The following PNPLA1 variants were observed in gnomAD, a reference collection of about 807,000 sequenced individuals.
PNPLA1 encodes the protein patatin like domain 1, omega-hydroxyceramide transacylase.
PNPLA1 carries 36 observed loss-of-function variants against 51.7 expected under a neutral mutation model. The observed-to-expected ratio is 0.70, with a 90% CI of 0.53 to 0.92. PNPLA1 has a LOEUF of 0.92. Ranked by LOEUF, PNPLA1 falls within the 40% of genes least tolerant of loss-of-function variation. PNPLA1 has a pLI of 0.00. For missense variants in PNPLA1, 658 were observed against 682.5 expected (o/e 0.96, Z 0.40); for synonymous variants, 293 against 280.1 (o/e 1.05, Z -0.46).
At chr6:36,282,088 A>AGAAAGAAAGAAAGAAG (rs1554136580) in intron 1 of PNPLA1, among the ~76,000 whole-genome samples, 139 of 98,746 alleles carry the variant, frequency 1.4e-3, no homozygotes, top group East Asian at 3.9e-3. Context: ...AAAGAAAGAA[A>AGAAAGAAAGAAAGAAG]GAAGGAAGGA....
chr6:36,253,842 G>A (rs550487169), intron 1 of PNPLA1, among the ~76,000 whole-genome samples: 143 of 152,266 alleles, frequency 9.4e-4, no homozygotes, highest in Admixed American at 2.4e-3. Context: ...TGAGAATTTT[G>A]TTCAACATTT....
chr6:36,263,948 C>G (rs1769707126), intron 1 of PNPLA1, among the ~76,000 whole-genome samples: 1 of 152,192 alleles, frequency 6.6e-6, no homozygotes. Context: ...GCTTCCCTGC[C>G]CCTAAGCTGC....
intron 1 of PNPLA1, among the ~76,000 whole-genome samples, chr6:36,245,111 G>A (rs1380525126): frequency 1.3e-5 from 2 of 152,230 alleles, no homozygotes; most frequent in African/African-American, 4.8e-5. Flanking sequence ...AGGAGGCAAA[G>A]CTTTGTCTAA....
chr6:36,255,470 A>G (rs572541520), intron 1 of PNPLA1, among the ~76,000 whole-genome samples: 1 of 152,304 alleles, frequency 6.6e-6, no homozygotes, highest in East Asian at 1.9e-4. Context: ...ATGCCATTGC[A>G]CTCCAGCCTG....
At position 36,302,399 on chromosome 6, in the gene PNPLA1, G is replaced by A. The variant is rs752897930; in HGVS notation, c.1314G>A (p.Leu438=). 6.3e-7 allele frequency: 1 copy of A among 1,586,164 alleles called. No homozygotes were observed. Among genetic ancestry groups the A allele is most frequent in the Admixed American group, 1.7e-5 (1 of 57,748 alleles). The part of the protein sequence containing the change: ...GPSTVGAPQT[L]PRSSLSAFPA... ...CAACTGTGGGGGCACCTCAAACACT[G>A]CCCCGAAGTTCTCTTTCAGCCTTCC... Residue 438 remains leucine (L), a synonymous_variant, in exon 6 of 9, where the codon CTG becomes CTA. Coordinates refer to ENST00000636260, the MANE Select transcript of PNPLA1 (RefSeq NM_001374623.1).
intron 1 of PNPLA1, among the ~76,000 whole-genome samples, chr6:36,282,512 A>G (rs1003198160): frequency 2.0e-5 from 3 of 152,188 alleles, no homozygotes; most frequent in African/African-American, 7.2e-5. Flanking sequence ...GATCTGGTAA[A>G]GCTTTGAATG....
At position 36,306,276 on chromosome 6, in the gene PNPLA1, A is replaced by T; in HGVS notation, c.1385-16A>T. ...CCTCCCCATCTCACTCCCGTTTCCT[A>T]TATCTTTACTTTTAGCTGTAGCTCT... On this transcript the variant is annotated splice_polypyrimidine_tract_variant and intron_variant, in intron 6 of 8. Transcript: ENST00000636260. 6.2e-7 allele frequency: 1 copy of T among 1,600,652 alleles called. No individual in the cohort carries two copies. Among genetic ancestry groups the T allele is most frequent in the Non-Finnish European group, 8.5e-7 (1 of 1,172,796 alleles).
chr6:36,262,346 G>A (rs1185901366), intron 1 of PNPLA1, among the ~76,000 whole-genome samples: 2 of 152,148 alleles, frequency 1.3e-5, no homozygotes, highest in South Asian at 2.1e-4. Flanking sequence ...GCCAGACGGG[G>A]CTACGCAGCA....
At chr6:36,246,230 G>T (rs1769278865) in intron 1 of PNPLA1, among the ~76,000 whole-genome samples, 2 of 151,504 alleles carry the variant, frequency 1.3e-5, no homozygotes. Flanking sequence ...TTTTTGACGA[G>T]GTCTTACTCT....
intron 1 of PNPLA1, among the ~76,000 whole-genome samples, chr6:36,280,866 T>C (rs905570500): frequency 3.9e-5 from 6 of 152,226 alleles, no homozygotes; most frequent in African/African-American, 1.4e-4. Context: ...CATAGCTCAC[T>C]GTAACCTTGA....
chr6:36,286,188 C>A (rs577059921), intron 1 of PNPLA1, among the ~76,000 whole-genome samples: 1 of 152,318 alleles, frequency 6.6e-6, no homozygotes, highest in Admixed American at 6.5e-5. Context: ...TTACAGGCAA[C>A]AAAGTTGAGG....
chr6:36,246,633 C>T (rs1769291181), intron 1 of PNPLA1, among the ~76,000 whole-genome samples: 1 of 151,112 alleles, frequency 6.6e-6, no homozygotes, highest in South Asian at 2.1e-4. Flanking sequence ...TCAGAGACAA[C>T]AGGAAGGTCC....
chr6:36,244,270 A>T (rs1769214790), intron 1 of PNPLA1, among the ~76,000 whole-genome samples: 1 of 152,182 alleles, frequency 6.6e-6, no homozygotes, highest in African/African-American at 2.4e-5. Flanking sequence ...GAGAAAAGTA[A>T]GGGTACTAGT....
intron 5 of PNPLA1, among the ~76,000 whole-genome samples, 195 bp downstream of exon 5, chr6:36,295,619 G>A (rs1203319223): frequency 3.3e-5 from 5 of 152,186 alleles, no homozygotes; most frequent in Non-Finnish European, 7.3e-5. Flanking sequence ...CCAGAAAGTA[G>A]GATCTCCATG....
intron 1 of PNPLA1, among the ~76,000 whole-genome samples, chr6:36,258,507 A>G (rs192378074): frequency 1.3e-5 from 2 of 152,222 alleles, no homozygotes; most frequent in African/African-American, 2.4e-5. Flanking sequence ...GAGTTTTCAT[A>G]GTTGTTTTTT....
intron 1 of PNPLA1, among the ~76,000 whole-genome samples, chr6:36,271,632 A>T (rs1434186434): frequency 6.6e-6 from 1 of 152,226 alleles, no homozygotes; most frequent in African/African-American, 2.4e-5. Flanking sequence ...TGAGGAGGTG[A>T]CATTCAAGCC....
At chr6:36,243,466 G>T (rs762021057) in intron 1 of PNPLA1, among the ~76,000 whole-genome samples, 1 of 152,222 alleles carries the variant, frequency 6.6e-6, no homozygotes, top group Non-Finnish European at 1.5e-5. Context: ...GGTGGCAAGA[G>T]CTCCATCTTT....
chr6:36,261,093 T>C (rs143701332), intron 1 of PNPLA1, among the ~76,000 whole-genome samples: 2 of 152,206 alleles, frequency 1.3e-5, no homozygotes, highest in South Asian at 2.1e-4. Context: ...CTTCCCAAAG[T>C]GCTGGGATTT....
At chr6:36,251,565 T>G (rs757861756) in intron 1 of PNPLA1, among the ~76,000 whole-genome samples, 1 of 152,230 alleles carries the variant, frequency 6.6e-6, no homozygotes, top group Non-Finnish European at 1.5e-5. Flanking sequence ...TTCCCCCTGC[T>G]GCCAGTGAAG....
Sources: gnomAD v4.1 joint callset for allele counts (sites outside exome capture counted in the v4.1 genomes callset) on GRCh38, gnomAD v4.1.1 for gene constraint, MANE v1.5 for transcripts, NCBI Gene and HGNC (gene_info 2026-07-23, HGNC 2026-07-21) for gene names.